CELSR3: variants seen among roughly 807,000 people sequenced by gnomAD.
CELSR3 encodes cadherin EGF LAG seven-pass G-type receptor 3.
Under a neutral mutation model 270.0 loss-of-function variants are expected in CELSR3, and 73 were observed. The ratio of observed to expected loss-of-function variants is 0.27; its 90% CI spans 0.22 to 0.33. The LOEUF is 0.33. Among genes scored for constraint, CELSR3 ranks in the 10% least tolerant of loss-of-function variants. The pLI is 1.00. For missense variants in CELSR3, 3,614 were observed against 4,533.8 expected (o/e 0.80, Z 5.83); for synonymous variants, 1,780 against 1,905.4 (o/e 0.93, Z 1.71).
chr3:48,648,248 A>ACCCC lies in CELSR3; in HGVS notation c.6973+14_6973+17dup. The ACCCC allele has an allele frequency of 1.3e-5, 13 of 975,222 alleles. No homozygotes were observed. The highest frequency in any genetic ancestry group is 2.6e-5 in the South Asian group (2 of 76,050). 60.4% of individuals were successfully genotyped at this position (975,222 alleles called of 1,614,324 possible). On this transcript the variant is annotated intron_variant, in intron 19 of 34. Transcript: ENST00000164024. ...TGGCCCCCCTGCTGTGCCCCGCCCT[A>ACCCC]CCCCACCCACAACGCACTGATATTA...
Position 48,644,218 on chromosome 3 carries a change from T to G in CELSR3, c.8163A>C (p.Ala2721=), listed in dbSNP as rs779602935. ...CTTCCTCCAGCCAGCCAACTCACAGTGCAGAGGTCTTCTTGGCCTCCCTCT... is the reference window on the plus strand; with the variant it reads ...CTTCCTCCAGCCAGCCAACTCACAGGGCAGAGGTCTTCTTGGCCTCCCTCT... The part of the protein sequence containing the change: ...TGQREAKKTS[A]LTLRSSFLLL... The change falls in exon 27 of 35, where the codon GCA becomes GCC. Residue 2721 remains alanine (A), a splice_region_variant and synonymous_variant. Coordinates refer to ENST00000164024, the MANE Select transcript of CELSR3 (RefSeq NM_001407.3). This position sits in a 1 kb window ranked among gnomAD's most constrained non-coding sequence, Gnocchi z 4.8. 1 of 1,612,376 alleles carries G rather than the reference T, an allele frequency of 6.2e-7. No homozygotes were observed. Among genetic ancestry groups the G allele is most frequent in the South Asian group, 1.1e-5 (1 of 91,068 alleles).
At chr3:48,638,951 T>C (rs1020240891) in intron 34 of CELSR3, among the ~76,000 whole-genome samples, 1 of 151,010 alleles carries the variant, frequency 6.6e-6, no homozygotes, top group Non-Finnish European at 1.5e-5. Flanking sequence ...CCCAGCTGTT[T>C]CTCCTCCTTG....
intron 2 of CELSR3, among the ~76,000 whole-genome samples, 164 bp from the exon 3 acceptor site, chr3:48,656,529 T>C (rs1367849172): frequency 2.6e-5 from 4 of 152,178 alleles, no homozygotes; most frequent in Admixed American, 2.6e-4. Flanking sequence ...CCCAGTCTCA[T>C]CGCTGCCTCG....
At position 48,648,250 on chromosome 3, in the gene CELSR3, C is replaced by CCCCCCCCCAA; in HGVS notation, c.6973+15_6973+16insTTGGGGGGGG. 1 of 1,536,018 alleles carries CCCCCCCCCAA rather than the reference C, an allele frequency of 6.5e-7. No individual in the cohort carries two copies. The highest frequency in any genetic ancestry group is 2.1e-4 in the Middle Eastern group (1 of 4,706). ...GCCCCCCTGCTGTGCCCCGCCCTAC[C>CCCCCCCCCAA]CCACCCACAACGCACTGATATTAGG... On this transcript the variant is annotated intron_variant, in intron 19 of 34. Transcript: ENST00000164024.
chr3:48,651,801 T>A lies in CELSR3; in HGVS notation c.5923+76A>T. On this transcript the variant is annotated intron_variant, in intron 12 of 34. Coordinates refer to ENST00000164024, the MANE Select transcript of CELSR3 (RefSeq NM_001407.3). This position sits in a 1 kb window ranked among gnomAD's most constrained non-coding sequence, Gnocchi z 7.4. ...CACCCGTCCCGAGTCCCTGCCTCCTTCAGGTTCCCCAGTCTTCATCATGGG... is the reference window on the plus strand; with the variant it reads ...CACCCGTCCCGAGTCCCTGCCTCCTACAGGTTCCCCAGTCTTCATCATGGG... 1 of 1,541,370 alleles carries A rather than the reference T, an allele frequency of 6.5e-7. No individual in the cohort carries two copies. Among genetic ancestry groups the A allele is most frequent in the Non-Finnish European group, 8.7e-7 (1 of 1,146,720 alleles).
At position 48,651,861 on chromosome 3, in the gene CELSR3, C is replaced by T; in HGVS notation, c.5923+16G>A. ...CCTGCCCAGGTCACCCTTCCCCCAA[C>T]CCTCTCAAGGCTCACCTGGCTGGCA... On this transcript the variant is annotated intron_variant, in intron 12 of 34. Coordinates refer to ENST00000164024, the MANE Select transcript of CELSR3 (RefSeq NM_001407.3). This position sits in a 1 kb window ranked among gnomAD's most constrained non-coding sequence, Gnocchi z 7.4. 1 of 1,600,720 alleles carries T rather than the reference C, an allele frequency of 6.2e-7. No homozygotes were observed. The highest frequency in any genetic ancestry group is 8.5e-7 in the Non-Finnish European group (1 of 1,174,550).
rs774462586 is a variant in CELSR3, at chr3:48,657,870, C to G, written c.3749-522G>C. Among the ~76,000 whole-genome samples the G allele has an allele frequency of 6.6e-6, 1 of 152,192 alleles. No individual in the cohort carries two copies. Among genetic ancestry groups the G allele is most frequent in the African/African-American group, 2.4e-5 (1 of 41,446 alleles). ...TCTCCTATTTTTGGTCAGCAAATTG[C>G]TCTTCCATGACACTAGAAGGGGCCC... is the stretch of plus-strand genomic sequence containing the variant. On this transcript the variant is annotated intron_variant, in intron 1 of 34. Coordinates refer to ENST00000164024, the MANE Select transcript of CELSR3 (RefSeq NM_001407.3). This position sits in a 1 kb window ranked among gnomAD's most constrained non-coding sequence, Gnocchi z 5.4.
chr3:48,649,323 A>G, intron 16 of CELSR3, 108 bp from the exon 17 acceptor site: 1 of 928,564 alleles, frequency 1.1e-6, no homozygotes, highest in Non-Finnish European at 1.7e-6. Flanking sequence ...CAGAAGTCAG[A>G]GTCATGAGCA....
Position 48,645,927 on chromosome 3 carries a change from GAGATCATGGGA to G in CELSR3, c.7464-70_7464-60del. 6.3e-7 allele frequency: 1 copy of G among 1,576,614 alleles called. No homozygotes were observed. Among genetic ancestry groups the G allele is most frequent in the East Asian group, 2.3e-5 (1 of 44,248 alleles). On this transcript the variant is annotated intron_variant, in intron 22 of 34. Transcript: ENST00000164024. The surrounding 1 kb of genome is among the most constrained non-coding windows in gnomAD (Gnocchi z 5.4). ...CCCAGTGTCAGGCAGGGGTTTGTGA[GAGATCATGGGA>G]AGGGCTGAGGGTGCCTGGAGTTGGG...
rs551673649 is a variant in CELSR3 at position 48,642,683 on chromosome 3, G to T, written c.8555+53C>A. ...GACCTGGTCAGCCAAGCCCTGGTAA[G>T]GTGGGGCTGGACTAAGCTGAGTGTT... On this transcript the variant is annotated intron_variant, in intron 30 of 34. Coordinates refer to ENST00000164024, the MANE Select transcript of CELSR3 (RefSeq NM_001407.3). This position sits in a 1 kb window ranked among gnomAD's most constrained non-coding sequence, Gnocchi z 6.1. The T allele has an allele frequency of 6.3e-7, 1 of 1,575,666 alleles. No homozygotes were observed. Among genetic ancestry groups the T allele is most frequent in the Admixed American group, 1.7e-5 (1 of 58,230 alleles).
chr3:48,652,576 C>A lies in CELSR3; in HGVS notation c.5635-23G>T. 6.4e-7 allele frequency: 1 copy of A among 1,565,390 alleles called. No individual in the cohort carries two copies. Among genetic ancestry groups the A allele is most frequent in the Non-Finnish European group, 8.7e-7 (1 of 1,146,780 alleles). ...GTCCTGGAGGAAGTGGGGCAGTCAGCACTGAGGGAGAGGGGCCTGATGAAC... is the reference window on the plus strand; with the variant it reads ...GTCCTGGAGGAAGTGGGGCAGTCAGAACTGAGGGAGAGGGGCCTGATGAAC... On this transcript the variant is annotated intron_variant, in intron 10 of 34. Coordinates refer to ENST00000164024, the MANE Select transcript of CELSR3 (RefSeq NM_001407.3). This position sits in a 1 kb window ranked among gnomAD's most constrained non-coding sequence, Gnocchi z 4.3.
At chr3:48,647,191 AGGGTGGAGGGGAGATGT>A (rs1280416345) in intron 20 of CELSR3, among the ~76,000 whole-genome samples, 1 of 8,602 alleles carries the variant, frequency 1.2e-4, no homozygotes. Flanking sequence ...GAGATGTGGG[AGGGTGGAGGGGAGATGT>A]GGGAGGGTGG....
Position 48,658,800 on chromosome 3 carries a change from C to A in CELSR3, c.3748+87G>T, listed in dbSNP as rs1355466889. ...AGGGGTTCTTGGAAGGCTTAGAAAT[C>A]CCTCTTTGGTTTGAGGTGCCCTGTG... On this transcript the variant is annotated intron_variant, in intron 1 of 34. Coordinates refer to ENST00000164024, the MANE Select transcript of CELSR3 (RefSeq NM_001407.3). This position sits in a 1 kb window ranked among gnomAD's most constrained non-coding sequence, Gnocchi z 4.7. 1 of 1,505,430 alleles carries A rather than the reference C, an allele frequency of 6.6e-7. No homozygotes were observed. Among genetic ancestry groups the A allele is most frequent in the Non-Finnish European group, 9.0e-7 (1 of 1,108,592 alleles). 93.3% of individuals were successfully genotyped at this position (1,505,430 alleles called of 1,614,324 possible).
Position 48,637,964 on chromosome 3 carries a change from C to T in CELSR3, c.*241G>A, listed in dbSNP as rs2046987869. 2.2e-6 allele frequency: 1 copy of T among 459,964 alleles called. No homozygotes were observed. Among genetic ancestry groups the T allele is most frequent in the South Asian group, 4.3e-5 (1 of 23,012 alleles). The allele number at this position is 459,964 out of a possible 1,614,324, so 28.5% of individuals were successfully genotyped here. Reference sequence around the variant, plus strand: ...AAGCTGAAAAATAACATAAGCATCTCTCTGGTTACAAAGGTACAAAACGTA... The same window carrying T: ...AAGCTGAAAAATAACATAAGCATCTTTCTGGTTACAAAGGTACAAAACGTA... On this transcript the variant is annotated 3_prime_UTR_variant, in exon 35 of 35. Coordinates refer to ENST00000164024, the MANE Select transcript of CELSR3 (RefSeq NM_001407.3).
Position 48,645,089 on chromosome 3 carries a change from C to T in CELSR3, c.7918G>A (p.Gly2640Ser), listed in dbSNP as rs770713094. The T allele has an allele frequency of 1.1e-5, 18 of 1,603,922 alleles. No homozygotes were observed. The highest frequency in any genetic ancestry group is 6.6e-5 in the South Asian group (6 of 90,752). ...MQVEPRNVDR[G>S]AMRFYHALGW... Reference sequence around the variant, plus strand: ...AGGGCATGGTAGAAGCGCATGGCGCCGCGGTCCACGTTGCGTGGCTCAACC... The same window carrying T: ...AGGGCATGGTAGAAGCGCATGGCGCTGCGGTCCACGTTGCGTGGCTCAACC... The change falls in exon 25 of 35, where the codon GGC becomes AGC. Residue 2640 changes from glycine (G) to serine (S), a missense_variant. Physicochemically the swap from Gly to Ser is moderately conservative, Grantham distance 56. Transcript: ENST00000164024. This position sits in a 1 kb window ranked among gnomAD's most constrained non-coding sequence, Gnocchi z 5.4.
In CELSR3 at chr3:48,640,982, G is replaced by A; in HGVS notation, c.9025+342C>T. ...TTCTCCGGGTCCCCATAAAAGCAGAGTAGGGGGCAGAAATCTTCCAGATCA... is the reference window on the plus strand; with the variant it reads ...TTCTCCGGGTCCCCATAAAAGCAGAATAGGGGGCAGAAATCTTCCAGATCA... On this transcript the variant is annotated intron_variant, in intron 33 of 34. Coordinates refer to ENST00000164024, the MANE Select transcript of CELSR3 (RefSeq NM_001407.3). The surrounding 1 kb of genome is among the most constrained non-coding windows in gnomAD (Gnocchi z 7.5). The A allele has an allele frequency of 8.2e-6, 3 of 366,070 alleles. No homozygotes were observed. The South Asian group carries it at 1.4e-4, about 17-fold the overall frequency. 22.7% of individuals were successfully genotyped at this position (366,070 alleles called of 1,614,324 possible). A position where few individuals can be genotyped will look rare whatever the true frequency, so the allele number is the denominator to read the frequency against.
chr3:48,638,278 G>A (rs1218867797), intron 34 of CELSR3, 46 bp from the exon 35 acceptor site: 19 of 1,512,242 alleles, frequency 1.3e-5, no homozygotes, highest in East Asian at 4.5e-5. Flanking sequence ...AGAGGACTCC[G>A]AGTCAGGCGG....
At position 48,645,963 on chromosome 3, in the gene CELSR3, G is replaced by GGTA. The variant is rs1422657233; in HGVS notation, c.7464-98_7464-96dup. On this transcript the variant is annotated intron_variant, in intron 22 of 34. Transcript: ENST00000164024. The surrounding 1 kb of genome is among the most constrained non-coding windows in gnomAD (Gnocchi z 5.4). ...AAGGGCTGAGGGTGCCTGGAGTTGG[G>GGTA]GTACAGCATTCCTCATGGTCCGGGT... is the stretch of plus-strand genomic sequence containing the variant. 5.7e-6 allele frequency: 9 copies of GGTA among 1,568,310 alleles called. No homozygotes were observed. In the African/African-American group the frequency reaches 1.1e-4, roughly 19 times the overall value.
In CELSR3 at chr3:48,642,503, G is replaced by A. The variant is rs775944827; in HGVS notation, c.8556-36C>T. 1 of 1,594,296 alleles carries A rather than the reference G, an allele frequency of 6.3e-7. No individual in the cohort carries two copies. The highest frequency in any genetic ancestry group is 1.1e-5 in the South Asian group (1 of 89,114). ...AGGAGCCCCCCCACCATGAAAGAGG[G>A]ATGTGATGGGGTGCCTTGGAGGCTG... On this transcript the variant is annotated intron_variant, in intron 30 of 34. Transcript: ENST00000164024. The surrounding 1 kb of genome is among the most constrained non-coding windows in gnomAD (Gnocchi z 6.1).
Sources: gnomAD v4.1 joint callset for allele counts (sites outside exome capture counted in the v4.1 genomes callset) on GRCh38, gnomAD v4.1.1 for gene constraint, Gnocchi (gnomAD v3.1) non-coding constraint, MANE v1.5 for transcripts, NCBI Gene and HGNC (gene_info 2026-07-23, HGNC 2026-07-21) for gene names.